The following BTBD1 variants were observed in gnomAD, a reference collection of about 807,000 sequenced individuals.
BTBD1 encodes the protein BTB domain containing 1, also known as BTB/POZ domain-containing protein 1.
BTBD1 carries 34 observed loss-of-function variants against 48.0 expected under a neutral mutation model. The ratio of observed to expected loss-of-function variants is 0.71; its 90% CI spans 0.54 to 0.94. BTBD1 has a LOEUF of 0.94. Among genes scored for constraint, BTBD1 ranks in the 40% least tolerant of loss-of-function variants. The pLI, the probability that BTBD1 is intolerant of heterozygous loss-of-function variation, is 0.00. For synonymous variants in BTBD1, 261 were observed against 242.1 expected (o/e 1.08, Z -0.72); for missense variants, 543 against 625.6 (o/e 0.87, Z 1.41).
chr15:83,057,479 T>G (rs1298901179), intron 1 of BTBD1, among the ~76,000 whole-genome samples: 4 of 152,236 alleles, frequency 2.6e-5, no homozygotes, highest in Non-Finnish European at 5.9e-5. Flanking sequence ...TTTATCTGTA[T>G]GTTGTCTCAT....
chr15:83,021,836 G>T (rs559793330), intron 5 of BTBD1, among the ~76,000 whole-genome samples: 1 of 151,860 alleles, frequency 6.6e-6, no homozygotes, highest in Non-Finnish European at 1.5e-5. Flanking sequence ...AAATTACATT[G>T]AGTAACTCTC....
chr15:83,027,299 C>A (rs1302181488), intron 5 of BTBD1, among the ~76,000 whole-genome samples: 1 of 152,222 alleles, frequency 6.6e-6, no homozygotes, highest in Non-Finnish European at 1.5e-5. Context: ...TTGCAGTGAG[C>A]CGGGATCGCA....
intron 3 of BTBD1, among the ~76,000 whole-genome samples, chr15:83,049,395 T>G (rs1250586216): frequency 6.6e-6 from 1 of 152,224 alleles, no homozygotes; most frequent in African/African-American, 2.4e-5. Flanking sequence ...AACATTATAA[T>G]GAAACGACAT....
intron 3 of BTBD1, among the ~76,000 whole-genome samples, chr15:83,042,397 ATAGAGT>A (rs2032785168): frequency 1.9e-5 from 1 of 53,944 alleles, no homozygotes; most frequent in East Asian, 2.5e-4. Context: ...TATTTTGGAT[ATAGAGT>A]CATAGAGTCT....
At chr15:83,060,255 TTTAA>T (rs1175083350) in intron 1 of BTBD1, among the ~76,000 whole-genome samples, 17 of 151,900 alleles carry the variant, frequency 1.1e-4, no homozygotes, top group Admixed American at 7.9e-4. Flanking sequence ...TTACATTCTA[TTTAA>T]TTATTAGAGT....
At chr15:83,052,750 C>T (rs1434136578) in intron 2 of BTBD1, among the ~76,000 whole-genome samples, 3 of 149,622 alleles carry the variant, frequency 2.0e-5, no homozygotes, top group Non-Finnish European at 4.4e-5. Flanking sequence ...ACTGCCTCAG[C>T]CTCCCGAGTA....
Position 83,067,079 on chromosome 15 carries a change from GC to G in BTBD1, c.72del (p.Pro25ArgfsTer31). On this transcript the variant is annotated frameshift_variant, in exon 1 of 8. Coordinates refer to ENST00000261721, the MANE Select transcript of BTBD1 (RefSeq NM_025238.4). LOFTEE classifies it high-confidence loss of function. ...SGAEAEPGPA[G>X]PPPPPSPSSL... ...GAGGACGGTGAGGGCGGCGGCGGCG[GC>G]CCCGCGGGGCCCGGCTCCGCCTCAG... The G allele has an allele frequency of 6.5e-7, 1 of 1,534,032 alleles. No individual in the cohort carries two copies. Among genetic ancestry groups the G allele is most frequent in the Non-Finnish European group, 8.7e-7 (1 of 1,146,416 alleles).
At chr15:83,044,187 T>C (rs1428175704) in intron 3 of BTBD1, among the ~76,000 whole-genome samples, 3 of 152,220 alleles carry the variant, frequency 2.0e-5, no homozygotes, top group Non-Finnish European at 4.4e-5. Flanking sequence ...TAACTGATAC[T>C]TAGTGAGCAT....
intron 5 of BTBD1, among the ~76,000 whole-genome samples, chr15:83,022,843 C>G (rs1030608504): frequency 1.4e-5 from 2 of 145,290 alleles, no homozygotes; most frequent in Non-Finnish European, 3.2e-5. Flanking sequence ...GCACCGTAGT[C>G]CCAGCTACTC....
At position 83,026,545 on chromosome 15, in the gene BTBD1, G is replaced by A. The variant is rs541094869; in HGVS notation, c.1055+3591C>T. On this transcript the variant is annotated intron_variant, in intron 5 of 7. Coordinates refer to ENST00000261721, the MANE Select transcript of BTBD1 (RefSeq NM_025238.4). ...TTTTTTTTTTTTTTTTTTTTGAGACGGAGTTTTGCTCTTGTTGCCCAGGCT... is the reference window on the plus strand; with the variant it reads ...TTTTTTTTTTTTTTTTTTTTGAGACAGAGTTTTGCTCTTGTTGCCCAGGCT... 1.7e-3 allele frequency among the ~76,000 whole-genome samples: 221 copies of A among 129,314 alleles called. 1 individual carries two copies. The highest frequency in any genetic ancestry group is 8.2e-3 in the South Asian group (33 of 4,028). The allele number at this position is 129,314 out of a possible 152,430, so 84.8% of individuals were successfully genotyped here.
At chr15:83,052,919 G>C (rs2033020105) in intron 2 of BTBD1, among the ~76,000 whole-genome samples, 1 of 150,126 alleles carries the variant, frequency 6.7e-6, no homozygotes, top group Admixed American at 6.7e-5. Context: ...GGAGGTGTGA[G>C]CCACCACTCC....
At chr15:83,056,336 G>C in intron 2 of BTBD1, 53 bp downstream of exon 2, 2 of 1,298,248 alleles carry the variant, frequency 1.5e-6, no homozygotes, top group South Asian at 2.5e-5. Context: ...CCCATATATA[G>C]TTTACTCAAT....
chr15:83,030,480 G>GT, intron 4 of BTBD1, 152 bp from the exon 5 acceptor site: 1 of 637,360 alleles, frequency 1.6e-6, no homozygotes, highest in Non-Finnish European at 2.7e-6. Flanking sequence ...ATATTTTAAG[G>GT]TTTCAATAAA....
chr15:83,054,839 C>A (rs1201024278), intron 2 of BTBD1, among the ~76,000 whole-genome samples: 1 of 152,120 alleles, frequency 6.6e-6, no homozygotes, highest in Admixed American at 6.6e-5. Flanking sequence ...GGATTACAGG[C>A]ATGAGCCACC....
chr15:83,019,979 A>T (rs2032258840), intron 6 of BTBD1: 1 of 154,572 alleles, frequency 6.5e-6, no homozygotes, highest in Admixed American at 6.6e-5. Context: ...CAAAAAAAAA[A>T]AAAAAAAAAA....
chr15:83,041,065 T>C (rs980266707), intron 4 of BTBD1, among the ~76,000 whole-genome samples: 15 of 150,542 alleles, frequency 1.0e-4, no homozygotes, highest in East Asian at 7.8e-4. Context: ...GGTGGGAGGA[T>C]TGATTGAGCC....
At chr15:83,040,466 C>G (rs2032730143) in intron 4 of BTBD1, among the ~76,000 whole-genome samples, 3 of 151,512 alleles carry the variant, frequency 2.0e-5, no homozygotes, top group Admixed American at 1.3e-4. Flanking sequence ...ACTTTGGGAG[C>G]CCGAGGTGGG....
intron 4 of BTBD1, among the ~76,000 whole-genome samples, chr15:83,033,613 C>A (rs1285807249): frequency 6.6e-6 from 1 of 152,138 alleles, no homozygotes; most frequent in African/African-American, 2.4e-5. Flanking sequence ...CAGGGTCTCA[C>A]TGTTGCCCAG....
chr15:83,041,414 C>T (rs1484277588), intron 4 of BTBD1, among the ~76,000 whole-genome samples: 3 of 149,358 alleles, frequency 2.0e-5, no homozygotes, highest in East Asian at 2.0e-4. Flanking sequence ...CTCGCTCTGT[C>T]GCCCGGGCTG....
Sources: gnomAD v4.1 joint callset for allele counts (sites outside exome capture counted in the v4.1 genomes callset) on GRCh38, gnomAD v4.1.1 for gene constraint, MANE v1.5 for transcripts, NCBI Gene and HGNC (gene_info 2026-07-23, HGNC 2026-07-21) for gene names.